The following SUCO variants were observed in gnomAD, a reference collection of about 807,000 sequenced individuals.
SUCO encodes SUN domain-containing ossification factor.
In SUCO, 57 loss-of-function variants were observed where a neutral mutation model predicts 148.1. The observed-to-expected ratio is 0.38, with a 90% CI of 0.31 to 0.48. SUCO has a LOEUF of 0.48. SUCO is among the 20% of genes least tolerant of loss of function. The pLI, the probability that SUCO is intolerant of heterozygous loss-of-function variation, is 0.96. For missense variants in SUCO, 1,331 were observed against 1,468.2 expected, an observed-to-expected ratio of 0.91 and a Z score of 1.53; for synonymous variants, 470 against 502.7, an observed-to-expected ratio of 0.93 and a Z score of 0.87.
chr1:172,598,574 T>A (rs2149268008), intron 19 of SUCO, among the ~76,000 whole-genome samples: 1 of 152,342 alleles, frequency 6.6e-6, no homozygotes, highest in African/African-American at 2.4e-5. Flanking sequence ...CGCAGTGTGT[T>A]ATTTAGCTTT....
intron 19 of SUCO, among the ~76,000 whole-genome samples, chr1:172,596,319 G>C (rs940318095): frequency 6.6e-5 from 10 of 152,208 alleles, no homozygotes; most frequent in African/African-American, 2.4e-4. Flanking sequence ...GCTTTGTTCT[G>C]TTGCTGGCGA....
At chr1:172,559,763 T>G in intron 6 of SUCO, among the ~76,000 whole-genome samples, 1 of 152,174 alleles carries the variant, frequency 6.6e-6, no homozygotes, top group East Asian at 1.9e-4. Flanking sequence ...AACTTTTGGG[T>G]GTTGCCATGG....
At chr1:172,559,948 C>T (rs1279311094) in intron 6 of SUCO, among the ~76,000 whole-genome samples, 1 of 152,088 alleles carries the variant, frequency 6.6e-6, no homozygotes, top group African/African-American at 2.4e-5. Context: ...CACCTCATTC[C>T]TCCCTCAGAG....
intron 4 of SUCO, 150 bp downstream of exon 4, chr1:172,556,173 A>T (rs1653747365): frequency 1.7e-6 from 1 of 601,182 alleles, no homozygotes; most frequent in South Asian, 2.2e-5. Context: ...TTGTGTGCGT[A>T]TGTGTGCATG....
chr1:172,540,881 G>A (rs1222953084), intron 1 of SUCO, among the ~76,000 whole-genome samples: 1 of 152,112 alleles, frequency 6.6e-6, no homozygotes, highest in Non-Finnish European at 1.5e-5. Context: ...AAAAGCCTGA[G>A]GAGAAAGAGA....
Position 172,607,163 on chromosome 1 carries a change from T to C in SUCO, c.3266-1584T>C, listed in dbSNP as rs1464192400. Among the ~76,000 whole-genome samples the C allele has an allele frequency of 2.6e-5, 4 of 151,992 alleles. No individual in the cohort carries two copies. In the East Asian group the frequency reaches 5.8e-4, roughly 22 times the overall value. ...TCTTAAATTTTTGTGAGTCTGTTCATTGTCTTTGTAAGCTCTTACTCAGGG... is the reference window on the plus strand; with the variant it reads ...TCTTAAATTTTTGTGAGTCTGTTCACTGTCTTTGTAAGCTCTTACTCAGGG... On this transcript the variant is annotated intron_variant, in intron 22 of 23. Transcript: ENST00000263688.
At chr1:172,571,636 T>G (rs1655000842) in intron 9 of SUCO, among the ~76,000 whole-genome samples, 1 of 107,434 alleles carries the variant, frequency 9.3e-6, no homozygotes, top group South Asian at 3.6e-4. Flanking sequence ...CCTGCCGCCA[T>G]CCCATCTATG....
At chr1:172,578,748 A>G (rs1328586121) in intron 14 of SUCO, among the ~76,000 whole-genome samples, 1 of 152,036 alleles carries the variant, frequency 6.6e-6, no homozygotes, top group African/African-American at 2.4e-5. Context: ...TGAGCCTAAG[A>G]GCAAGCACAT....
chr1:172,568,055 A>G (rs1007396920), intron 6 of SUCO, among the ~76,000 whole-genome samples: 11 of 152,156 alleles, frequency 7.2e-5, no homozygotes, highest in African/African-American at 2.4e-4. Flanking sequence ...TGTGAACTGC[A>G]CATGTGAGGG....
chr1:172,576,908 C>T (rs774667855), intron 11 of SUCO: 134 of 768,848 alleles, frequency 1.7e-4, no homozygotes, highest in Non-Finnish European at 2.0e-4. Flanking sequence ...TGTTCCTTAT[C>T]TTAAAATAAC....
chr1:172,539,153 T>C (rs1367700022), intron 1 of SUCO, among the ~76,000 whole-genome samples: 2 of 152,246 alleles, frequency 1.3e-5, no homozygotes, highest in Non-Finnish European at 2.9e-5. Flanking sequence ...AGAATCAATA[T>C]GTATAATTAA....
chr1:172,557,834 A>G (rs762380295), intron 6 of SUCO, 40 bp downstream of exon 6: 1 of 1,471,694 alleles, frequency 6.8e-7, no homozygotes, highest in Non-Finnish European at 9.2e-7. Context: ...TTCTTTATGT[A>G]ATGCATTTTT....
intron 3 of SUCO, 67 bp from the exon 4 acceptor site, chr1:172,555,802 C>A: frequency 8.0e-7 from 1 of 1,244,100 alleles, no homozygotes. Context: ...CCATAAATGC[C>A]CGTTCTGCTA....
chr1:172,555,169 T>C (rs942838360), intron 3 of SUCO, among the ~76,000 whole-genome samples: 3 of 152,324 alleles, frequency 2.0e-5, no homozygotes, highest in African/African-American at 4.8e-5. Context: ...ACTGAGGACA[T>C]TTATGGTATA....
chr1:172,589,020 G>C lies in SUCO; in HGVS notation c.1919G>C (p.Arg640Thr). Residue 640 changes from arginine to threonine, a missense_variant, in exon 18 of 24, where the codon AGA (arginine) becomes ACA (threonine). Arg to Thr is a moderately conservative substitution (Grantham distance 71, BLOSUM62 -1). This residue lies in a region of SUCO where 992 missense variants were observed against 1,093.5 expected (regional missense o/e 0.91). Coordinates refer to ENST00000263688, the MANE Select transcript of SUCO (RefSeq NM_014283.5). The part of the protein sequence containing the change: ...SEYIYKWCSV[R>T]VALYRQRSRT... ...TACATATATAAATGGTGTTCAGTTA[G>C]AGTTGCTCTTTATCGGCAGCGCAGC... 1 of 1,613,514 alleles carries C rather than the reference G, an allele frequency of 6.2e-7. No homozygotes were observed. The highest frequency in any genetic ancestry group is 1.1e-5 in the South Asian group (1 of 91,002).
intron 19 of SUCO, among the ~76,000 whole-genome samples, chr1:172,591,729 AC>A (rs1231708031): frequency 5.9e-5 from 9 of 152,072 alleles, no homozygotes; most frequent in East Asian, 3.9e-4. Context: ...GAATAGTGCC[AC>A]AGTAAACATA....
At chr1:172,571,548 C>T (rs1654988468) in intron 9 of SUCO, among the ~76,000 whole-genome samples, 1 of 148,738 alleles carries the variant, frequency 6.7e-6, no homozygotes, top group Admixed American at 6.7e-5. Context: ...AGCCCCTCTG[C>T]CTGGCTGCCC....
intron 20 of SUCO, 24 bp downstream of exon 20, chr1:172,600,192 G>T (rs182010250): frequency 1.5e-4 from 220 of 1,485,876 alleles, no homozygotes; most frequent in Non-Finnish European, 2.0e-4. Context: ...CTGGTATTGC[G>T]AGACCCAATG....
chr1:172,570,615 C>A lies in SUCO; in HGVS notation c.982-48C>A, dbSNP rs2149245455. On this transcript the variant is annotated intron_variant, in intron 8 of 23. Coordinates refer to ENST00000263688, the MANE Select transcript of SUCO (RefSeq NM_014283.5). ...ACTTTAAAGTTAAAATAAATACTTT[C>A]TTCATTATTCCTTAAGTAATTTGTT... 4.0e-6 allele frequency: 5 copies of A among 1,251,512 alleles called. No homozygotes were observed. In the South Asian group the frequency reaches 5.1e-5, roughly 13 times the overall value. The allele number at this position is 1,251,512 out of a possible 1,614,324, so 77.5% of individuals were successfully genotyped here.
Sources: allele counts gnomAD v4.1 joint callset (sites outside exome capture counted in the v4.1 genomes callset), GRCh38; gene constraint gnomAD v4.1.1; regional missense constraint gnomAD v4.1.1; transcripts MANE v1.5; gene names NCBI Gene and HGNC (gene_info 2026-07-23, HGNC 2026-07-21).